NRXN3: variants seen among roughly 807,000 people sequenced by gnomAD.
NRXN3 encodes the protein neurexin 3.
Under a neutral mutation model 137.6 loss-of-function variants are expected in NRXN3, and 32 were observed. The ratio of observed to expected loss-of-function variants is 0.23; its 90% confidence interval spans 0.18 to 0.31. The LOEUF is 0.31. Ranked by LOEUF, NRXN3 falls within the 10% of genes least tolerant of loss-of-function variation. NRXN3 has a pLI of 1.00. For missense variants in NRXN3, 1,574 were observed against 2,062.5 expected (o/e 0.76, Z 4.59); for synonymous variants, 798 against 784.5 (o/e 1.02, Z -0.29).
At chr14:78,577,184 C>G (rs1156953284) in intron 4 of NRXN3, among the ~76,000 whole-genome samples, 1 of 152,172 alleles carries the variant, frequency 6.6e-6, no homozygotes, top group Non-Finnish European at 1.5e-5. Flanking sequence ...GGCCTACTCC[C>G]CAAGTGTTCT....
chr14:79,085,572 A>G (rs763322154), intron 15 of NRXN3, among the ~76,000 whole-genome samples: 10 of 152,196 alleles, frequency 6.6e-5, no homozygotes, highest in Non-Finnish European at 1.3e-4. Flanking sequence ...CCTCCTAGAT[A>G]TAAATCAATA....
At chr14:79,149,858 G>T (rs1276205368) in intron 15 of NRXN3, among the ~76,000 whole-genome samples, 1 of 152,056 alleles carries the variant, frequency 6.6e-6, no homozygotes, top group Non-Finnish European at 1.5e-5. Context: ...GCCAGTCATG[G>T]GGAGGGGAGG....
At chr14:79,331,212 A>G (rs1272573185) in intron 15 of NRXN3, among the ~76,000 whole-genome samples, 3 of 151,826 alleles carry the variant, frequency 2.0e-5, no homozygotes, top group African/African-American at 7.2e-5. Flanking sequence ...TGTAAATGAG[A>G]TTTTTTTTTC....
At chr14:78,434,495 T>C (rs1161510811) in intron 4 of NRXN3, among the ~76,000 whole-genome samples, 3 of 152,212 alleles carry the variant, frequency 2.0e-5, no homozygotes, top group Non-Finnish European at 4.4e-5. Flanking sequence ...CATCCTGAGA[T>C]ACTGGGGTTT....
intron 4 of NRXN3, among the ~76,000 whole-genome samples, chr14:78,619,623 G>A (rs138478245): frequency 0.011 from 1,636 of 152,110 alleles, 28 homozygotes; most frequent in African/African-American, 0.036. Flanking sequence ...GTTCTAATGA[G>A]ATCTGATGGT....
At chr14:78,789,100 A>G (rs186927099) in intron 8 of NRXN3, among the ~76,000 whole-genome samples, 1 of 152,242 alleles carries the variant, frequency 6.6e-6, no homozygotes, top group Non-Finnish European at 1.5e-5. Context: ...CAATGGCAAA[A>G]GTATCTGGAA....
chr14:78,790,977 A>G (rs1159989338), intron 8 of NRXN3, among the ~76,000 whole-genome samples: 1 of 152,158 alleles, frequency 6.6e-6, no homozygotes, highest in Non-Finnish European at 1.5e-5. Flanking sequence ...ACTTTTGTTT[A>G]CTTCTTTCCT....
intron 4 of NRXN3, among the ~76,000 whole-genome samples, chr14:78,319,596 C>T (rs1191713270): frequency 1.3e-5 from 2 of 152,198 alleles, no homozygotes; most frequent in East Asian, 3.9e-4. Context: ...TTTATCAGGG[C>T]TTGCCTTACA....
At chr14:78,524,777 A>G (rs1371763110) in intron 4 of NRXN3, among the ~76,000 whole-genome samples, 2 of 152,152 alleles carry the variant, frequency 1.3e-5, no homozygotes, top group African/African-American at 4.8e-5. Flanking sequence ...CCTTTTCAAA[A>G]TACTTGAACT....
intron 11 of NRXN3, among the ~76,000 whole-genome samples, chr14:78,958,562 A>G (rs867323037): frequency 6.6e-6 from 1 of 152,062 alleles, no homozygotes; most frequent in African/African-American, 2.4e-5. Flanking sequence ...TCACCGTGTT[A>G]GCCAGGATGG....
chr14:79,762,329 C>T (rs948364583), intron 19 of NRXN3, among the ~76,000 whole-genome samples: 1 of 151,630 alleles, frequency 6.6e-6, no homozygotes, highest in Non-Finnish European at 1.5e-5. Context: ...AAATGCTGCA[C>T]TCGCATGCTC....
intron 15 of NRXN3, among the ~76,000 whole-genome samples, chr14:78,992,981 T>C (rs2099521937): frequency 6.6e-6 from 1 of 152,176 alleles, no homozygotes; most frequent in Non-Finnish European, 1.5e-5. Context: ...TGTGCTACAT[T>C]GCTGGTCACA....
chr14:79,457,210 G>A (rs2153597942), intron 15 of NRXN3, among the ~76,000 whole-genome samples: 1 of 152,226 alleles, frequency 6.6e-6, no homozygotes, highest in East Asian at 1.9e-4. Flanking sequence ...ATTTCTTTGT[G>A]AAGAGGCTTA....
chr14:79,764,173 G>A (rs951841966), intron 19 of NRXN3, among the ~76,000 whole-genome samples: 12 of 146,460 alleles, frequency 8.2e-5, no homozygotes, highest in Admixed American at 4.8e-4. Context: ...GGTGGGGGGG[G>A]TGTTAAGATC....
chr14:79,049,854 T>C (rs1413750388), intron 15 of NRXN3, among the ~76,000 whole-genome samples: 1 of 151,842 alleles, frequency 6.6e-6, no homozygotes, highest in Admixed American at 6.6e-5. Flanking sequence ...AATTTAAAAA[T>C]GTATATCATA....
chr14:78,595,352 CAGAG>C (rs1046105034), intron 4 of NRXN3, among the ~76,000 whole-genome samples: 19 of 152,184 alleles, frequency 1.2e-4, no homozygotes, highest in Non-Finnish European at 1.9e-4. Flanking sequence ...CTTTGCCACT[CAGAG>C]AGAAGCAGAG....
chr14:78,392,629 T>C (rs1467605518), intron 4 of NRXN3, among the ~76,000 whole-genome samples: 1 of 152,084 alleles, frequency 6.6e-6, no homozygotes. Flanking sequence ...TGAAATGTAG[T>C]GTGGATTTAG....
chr14:78,829,595 GA>G (rs1262807608), intron 10 of NRXN3, among the ~76,000 whole-genome samples: 7 of 152,150 alleles, frequency 4.6e-5, no homozygotes, highest in Admixed American at 3.9e-4. Context: ...TAGACTGGGG[GA>G]AAAAATTATT....
At chr14:78,657,209 C>A (rs182406234) in intron 6 of NRXN3, among the ~76,000 whole-genome samples, 4 of 152,260 alleles carry the variant, frequency 2.6e-5, no homozygotes, top group Admixed American at 2.6e-4. Flanking sequence ...ACATGCATTT[C>A]TCTTTTCCTC....
Sources: gnomAD v4.1 joint callset for allele counts (sites outside exome capture counted in the v4.1 genomes callset) on GRCh38, gnomAD v4.1.1 for gene constraint, MANE v1.5 for transcripts, NCBI Gene and HGNC (gene_info 2026-07-23, HGNC 2026-07-21) for gene names.